SLMAP: variants seen among roughly 807,000 people sequenced by gnomAD.
The protein encoded by SLMAP is sarcolemma associated protein, also known as sarcolemmal membrane-associated protein.
A neutral mutation model predicts 128.8 loss-of-function variants in SLMAP; 44 were observed. The ratio of observed to expected loss-of-function variants is 0.34; its 90% CI spans 0.27 to 0.44. The LOEUF (loss-of-function observed/expected upper bound fraction) is 0.44, where lower values mean the gene tolerates loss of function less well. Among genes scored for constraint, SLMAP ranks in the 20% least tolerant of loss-of-function variants. SLMAP has a pLI of 1.00. For missense variants in SLMAP, 787 were observed against 985.3 expected, an observed-to-expected ratio of 0.80 and a Z score of 2.69; for synonymous variants, 327 against 348.8, an observed-to-expected ratio of 0.94 and a Z score of 0.70.
chr3:57,771,143 TCTCCCCTCCC>T (rs1204086020), intron 2 of SLMAP, among the ~76,000 whole-genome samples: 29 of 128,990 alleles, frequency 2.2e-4, no homozygotes, highest in South Asian at 1.1e-3. Flanking sequence ...CTCCCTCTGC[TCTCCCCTCCC>T]CTCCCCTCCC....
intron 2 of SLMAP, among the ~76,000 whole-genome samples, chr3:57,794,763 G>A (rs931068281): frequency 1.3e-5 from 2 of 152,158 alleles, no homozygotes; most frequent in Non-Finnish European, 2.9e-5. Flanking sequence ...TGTAGGTATT[G>A]CATTGCTGGA....
intron 2 of SLMAP, among the ~76,000 whole-genome samples, chr3:57,779,323 C>G (rs1576360731): frequency 6.6e-6 from 1 of 151,666 alleles, no homozygotes; most frequent in Non-Finnish European, 1.5e-5. Flanking sequence ...GCCTGGGCAA[C>G]ATGGCGAAAC....
chr3:57,793,056 T>G (rs182154065), intron 2 of SLMAP, among the ~76,000 whole-genome samples: 1 of 152,230 alleles, frequency 6.6e-6, no homozygotes, highest in South Asian at 2.1e-4. Context: ...GGAGGATCAC[T>G]TGAGTCCAGG....
intron 2 of SLMAP, among the ~76,000 whole-genome samples, chr3:57,762,484 A>C (rs2078887052): frequency 6.6e-6 from 1 of 152,196 alleles, no homozygotes; most frequent in African/African-American, 2.4e-5. Flanking sequence ...AATCTAAGTG[A>C]CACTTTTTAA....
At chr3:57,879,767 C>T (rs141673515) in intron 14 of SLMAP, among the ~76,000 whole-genome samples, 1,808 of 151,990 alleles carry the variant, frequency 0.012, 37 homozygotes, top group African/African-American at 0.04. Flanking sequence ...ATAGTGAAAC[C>T]CCATCTGTAC....
At chr3:57,922,052 C>T (rs151261490) in intron 22 of SLMAP, among the ~76,000 whole-genome samples, 1 of 152,234 alleles carries the variant, frequency 6.6e-6, no homozygotes, top group East Asian at 1.9e-4. Context: ...TCATAGTGGT[C>T]GGTACTTCAG....
At chr3:57,774,595 G>A (rs2081458614) in intron 2 of SLMAP, among the ~76,000 whole-genome samples, 1 of 151,774 alleles carries the variant, frequency 6.6e-6, no homozygotes, top group Admixed American at 6.6e-5. Flanking sequence ...CATGATCTTG[G>A]CTCACTGCAA....
At chr3:57,881,146 A>G (rs1300888158) in intron 14 of SLMAP, among the ~76,000 whole-genome samples, 2 of 152,036 alleles carry the variant, frequency 1.3e-5, no homozygotes, top group South Asian at 2.1e-4. Flanking sequence ...GTGAGCTGAG[A>G]TAATGCCACT....
In SLMAP at chr3:57,757,366, T is replaced by G. The variant is rs1308974488; in HGVS notation, c.-286T>G. On this transcript the variant is annotated 5_prime_UTR_variant, in exon 2 of 25. Coordinates refer to ENST00000671191, the MANE Select transcript of SLMAP (RefSeq NM_001377540.1). The stretch of plus-strand genomic sequence containing the variant: ...TTTTCTTGGCCGAAGCTGCCCGATG[T>G]TTGAGCCTTTTCTTCCCAGAGAAGA... The G allele has an allele frequency of 6.2e-6, 3 of 484,342 alleles. No homozygotes were observed. Among genetic ancestry groups the G allele is most frequent in the Non-Finnish European group, 1.1e-5 (3 of 265,808 alleles). 30.0% of individuals were successfully genotyped at this position (484,342 alleles called of 1,614,324 possible).
Position 57,912,490 on chromosome 3 carries a change from C to T in SLMAP, c.1809C>T (p.Leu603=), listed in dbSNP as rs1323890244. ...ELLSARDEIL[L]LHQAAAKVAS... ...TTAGTGCCCGAGATGAAATTTTGCT[C>T]CTTCATCAAGCAGCAGCAAAGGTTG... Residue 603 remains leucine, a synonymous_variant, in exon 20 of 25, where the codon CTC becomes CTT. Transcript: ENST00000671191. 2 of 1,614,118 alleles carry T rather than the reference C, an allele frequency of 1.2e-6. No individual in the cohort carries two copies. Among genetic ancestry groups the T allele is most frequent in the African/African-American group, 2.7e-5 (2 of 75,058 alleles).
chr3:57,893,102 G>A (rs756728530), intron 15 of SLMAP, among the ~76,000 whole-genome samples: 21 of 151,728 alleles, frequency 1.4e-4, no homozygotes, highest in Middle Eastern at 3.4e-3. Context: ...CAAAGTGCTG[G>A]GATTACCAAA....
At chr3:57,767,221 T>G (rs1576148484) in intron 2 of SLMAP, among the ~76,000 whole-genome samples, 1 of 152,278 alleles carries the variant, frequency 6.6e-6, no homozygotes, top group Middle Eastern at 3.4e-3. Flanking sequence ...ACCCGGCCTG[T>G]ATATAATTTC....
At chr3:57,841,719 C>G (rs1199651261) in intron 4 of SLMAP, among the ~76,000 whole-genome samples, 2 of 152,026 alleles carry the variant, frequency 1.3e-5, no homozygotes, top group African/African-American at 4.8e-5. Context: ...TAATATAGGA[C>G]TTCTTAAACT....
At chr3:57,854,203 A>AT (rs2094657300) in intron 6 of SLMAP, among the ~76,000 whole-genome samples, 1 of 150,612 alleles carries the variant, frequency 6.6e-6, no homozygotes, top group South Asian at 2.1e-4. Context: ...ACTCTTACCT[A>AT]TTTTGGTATA....
intron 14 of SLMAP, among the ~76,000 whole-genome samples, chr3:57,876,584 A>C (rs1314863099): frequency 2.0e-5 from 3 of 152,230 alleles, no homozygotes; most frequent in Non-Finnish European, 2.9e-5. Context: ...AGCTTGGTTT[A>C]GGCAAAACTC....
At chr3:57,826,478 A>G (rs2092933462) in intron 2 of SLMAP, among the ~76,000 whole-genome samples, 1 of 152,196 alleles carries the variant, frequency 6.6e-6, no homozygotes, top group Admixed American at 6.5e-5. Flanking sequence ...TTTCTAATTC[A>G]CAGAGCTCCC....
chr3:57,873,286 T>A (rs2095526549), intron 14 of SLMAP, among the ~76,000 whole-genome samples: 1 of 152,254 alleles, frequency 6.6e-6, no homozygotes, highest in East Asian at 1.9e-4. Flanking sequence ...GTGGATCACC[T>A]GAGGTCAGGA....
chr3:57,852,317 C>T (rs949323219), intron 6 of SLMAP, among the ~76,000 whole-genome samples: 1 of 152,178 alleles, frequency 6.6e-6, no homozygotes, highest in African/African-American at 2.4e-5. Context: ...TTAATCAGAT[C>T]TTATCTTCCA....
At chr3:57,867,545 A>G (rs892444564) in intron 13 of SLMAP, among the ~76,000 whole-genome samples, 3 of 152,264 alleles carry the variant, frequency 2.0e-5, no homozygotes, top group African/African-American at 2.4e-5. Flanking sequence ...GAGTTACGGT[A>G]TGATAGTGAC....
Sources: gnomAD v4.1 joint callset for allele counts (sites outside exome capture counted in the v4.1 genomes callset) on GRCh38, gnomAD v4.1.1 for gene constraint, MANE v1.5 for transcripts, NCBI Gene and HGNC (gene_info 2026-07-23, HGNC 2026-07-21) for gene names.